The following NKAIN3 variants were observed in gnomAD, a reference collection of about 807,000 sequenced individuals.
NKAIN3 encodes sodium/potassium transporting ATPase interacting 3.
A neutral mutation model predicts 30.2 loss-of-function variants in NKAIN3; 25 were observed. The observed-to-expected ratio is 0.83, with a 90% CI of 0.60 to 1.16. The LOEUF is 1.16. Ranked by LOEUF, NKAIN3 falls within the 50% of genes most tolerant of loss-of-function variation. The pLI is 0.00. For missense variants in NKAIN3, 225 were observed against 254.1 expected, an observed-to-expected ratio of 0.89 and a Z score of 0.78; for synonymous variants, 91 against 89.6, an observed-to-expected ratio of 1.02 and a Z score of -0.09.
chr8:62,923,344 G>C (rs1378279605), intron 5 of NKAIN3, among the ~76,000 whole-genome samples: 1 of 151,960 alleles, frequency 6.6e-6, no homozygotes, highest in Admixed American at 6.6e-5. Context: ...ATAAGAAAAA[G>C]AAATATTTGT....
At chr8:62,687,281 T>C (rs765247608) in intron 3 of NKAIN3, among the ~76,000 whole-genome samples, 1 of 152,188 alleles carries the variant, frequency 6.6e-6, no homozygotes, top group Non-Finnish European at 1.5e-5. Flanking sequence ...AAAAATGAAA[T>C]GTTCAATCTG....
At chr8:62,811,945 G>GT (rs142126650) in intron 4 of NKAIN3, among the ~76,000 whole-genome samples, 4,412 of 149,906 alleles carry the variant, frequency 0.029, 226 homozygotes, top group African/African-American at 0.1. Context: ...TTTCTCCTGT[G>GT]TTTTTTTTTC....
intron 4 of NKAIN3, among the ~76,000 whole-genome samples, chr8:62,798,185 AC>A (rs1817926864): frequency 6.6e-6 from 1 of 152,130 alleles, no homozygotes; most frequent in African/African-American, 2.4e-5. Flanking sequence ...TCCTTGCAGC[AC>A]CTTGCAGAGT....
At chr8:62,462,862 T>C (rs191775992) in intron 1 of NKAIN3, among the ~76,000 whole-genome samples, 113 of 152,314 alleles carry the variant, frequency 7.4e-4, no homozygotes, top group Middle Eastern at 3.4e-3. Context: ...TTTTCAGGGA[T>C]CTGCACTTCA....
intron 3 of NKAIN3, among the ~76,000 whole-genome samples, chr8:62,729,040 C>CAAAAAAAAAA (rs1317282077): frequency 1.6e-5 from 1 of 61,206 alleles, no homozygotes; most frequent in Non-Finnish European, 3.0e-5. Context: ...AAAAAAAAAA[C>CAAAAAAAAAA]AAAAAAAAAA....
intron 3 of NKAIN3, among the ~76,000 whole-genome samples, chr8:62,734,306 T>G (rs560614441): frequency 6.6e-6 from 1 of 152,308 alleles, no homozygotes; most frequent in South Asian, 2.1e-4. Context: ...AACAAAACTT[T>G]TTATGTAATA....
chr8:62,729,588 T>C (rs1815403342), intron 3 of NKAIN3, among the ~76,000 whole-genome samples: 1 of 152,104 alleles, frequency 6.6e-6, no homozygotes, highest in African/African-American at 2.4e-5. Context: ...TCCATAATTA[T>C]ATAATAGACA....
chr8:62,582,751 C>T (rs1810346038), intron 2 of NKAIN3, among the ~76,000 whole-genome samples: 1 of 152,196 alleles, frequency 6.6e-6, no homozygotes, highest in South Asian at 2.1e-4. Context: ...CCCTGCTCTG[C>T]AGGCACTAAC....
chr8:62,989,977 T>C (rs1236860642), intron 5 of NKAIN3, among the ~76,000 whole-genome samples: 1 of 152,174 alleles, frequency 6.6e-6, no homozygotes, highest in Non-Finnish European at 1.5e-5. Context: ...TTCCCTGCCC[T>C]GCACACAAAG....
At chr8:62,548,213 ACAACTT>A (rs1809077950) in intron 1 of NKAIN3, among the ~76,000 whole-genome samples, 1 of 152,194 alleles carries the variant, frequency 6.6e-6, no homozygotes, top group South Asian at 2.1e-4. Flanking sequence ...TTCATTCCTC[ACAACTT>A]CAACTAGCTA....
chr8:62,469,715 A>G (rs1806272248), intron 1 of NKAIN3, among the ~76,000 whole-genome samples: 1 of 152,210 alleles, frequency 6.6e-6, no homozygotes, highest in East Asian at 1.9e-4. Flanking sequence ...TTTAGAGGAA[A>G]GAAACCTTCA....
chr8:62,991,074 G>A (rs1436135978), intron 5 of NKAIN3: 1 of 152,254 alleles, frequency 6.6e-6, no homozygotes, highest in Admixed American at 6.5e-5. Context: ...AAAAGAGTAA[G>A]TGCAAAGGCC....
intron 5 of NKAIN3, among the ~76,000 whole-genome samples, chr8:62,920,864 G>C (rs1822255894): frequency 6.6e-6 from 1 of 152,184 alleles, no homozygotes; most frequent in Non-Finnish European, 1.5e-5. Flanking sequence ...TAATCTGCTG[G>C]AAGAGAGATG....
intron 1 of NKAIN3, among the ~76,000 whole-genome samples, chr8:62,318,694 T>C (rs1814752619): frequency 6.6e-6 from 1 of 152,234 alleles, no homozygotes; most frequent in Non-Finnish European, 1.5e-5. Flanking sequence ...CACTTGATCA[T>C]GGTGGATAAG....
rs140765542 is a variant in NKAIN3, at chr8:62,284,782, C to CA, written c.54+35664dup. Among the ~76,000 whole-genome samples the CA allele has an allele frequency of 7.6e-4, 114 of 150,372 alleles. 1 individual carries two copies. The highest frequency in any genetic ancestry group is 3.1e-3 in the Admixed American group (47 of 15,088). ...ACATGAATGTGGTGTAATTGAGATG[C>CA]AAAAAAAAACTCTGAAAACTGGAGA... is the stretch of plus-strand genomic sequence containing the variant. On this transcript the variant is annotated intron_variant, in intron 1 of 6. Transcript: ENST00000623646.
rs189281950 is a variant in NKAIN3 at position 62,994,941 on chromosome 8, G to A, written c.533-4290G>A. Among the ~76,000 whole-genome samples, 104 of 152,264 alleles carry A rather than the reference G, an allele frequency of 6.8e-4. 1 individual carries two copies. The highest frequency in any genetic ancestry group is 2.5e-3 in the African/African-American group (103 of 41,540). ...CCTACATCATTGGGGTGTTAACTAA[G>A]GCCATTAAATTTGTCATTTGGGATC... is the stretch of plus-strand genomic sequence containing the variant. On this transcript the variant is annotated intron_variant, in intron 5 of 5. Coordinates refer to the NKAIN3 transcript ENST00000519049.
intron 2 of NKAIN3, among the ~76,000 whole-genome samples, chr8:62,589,254 G>A (rs78683730): frequency 0.014 from 2,061 of 151,846 alleles, 40 homozygotes; most frequent in African/African-American, 0.042. Context: ...ACAAACGAAA[G>A]TTTGTTAATT....
At chr8:62,628,300 C>T (rs1011189017) in intron 3 of NKAIN3, among the ~76,000 whole-genome samples, 1 of 152,134 alleles carries the variant, frequency 6.6e-6, no homozygotes, top group African/African-American at 2.4e-5. Flanking sequence ...GAATTAAGTG[C>T]TTGTATATGT....
At chr8:62,619,049 C>G (rs1438650778) in intron 3 of NKAIN3, among the ~76,000 whole-genome samples, 3 of 152,128 alleles carry the variant, frequency 2.0e-5, no homozygotes, top group Non-Finnish European at 4.4e-5. Flanking sequence ...TGTTCAGAGG[C>G]CTCAGATTCC....
Sources: allele counts gnomAD v4.1 joint callset (sites outside exome capture counted in the v4.1 genomes callset), GRCh38; gene constraint gnomAD v4.1.1; transcripts MANE v1.5; gene names NCBI Gene and HGNC (gene_info 2026-07-23, HGNC 2026-07-21).